Variants in FBXW11 observed in about 807,000 individuals in gnomAD.
FBXW11 encodes F-box and WD repeat domain containing 11, also known as F-box/WD repeat-containing protein 11.
FBXW11 carries 19 observed loss-of-function variants against 77.6 expected under a neutral mutation model. That is an observed-to-expected ratio of 0.24 (90% CI 0.17 to 0.36). FBXW11 has a LOEUF of 0.36. FBXW11 is among the 10% of genes least tolerant of loss of function. The pLI, the probability that FBXW11 is intolerant of heterozygous loss-of-function variation, is 1.00. For missense variants in FBXW11, 334 were observed against 704.2 expected (o/e 0.47, Z 5.95); for synonymous variants, 235 against 249.4 (o/e 0.94, Z 0.54).
chr5:171,956,559 T>C (rs1418809232), intron 2 of FBXW11, among the ~76,000 whole-genome samples: 5 of 152,182 alleles, frequency 3.3e-5, no homozygotes, highest in African/African-American at 7.2e-5. Context: ...AATGCCTGAC[T>C]CCAATATGAA....
intron 4 of FBXW11, among the ~76,000 whole-genome samples, chr5:171,901,168 C>T (rs751629157): frequency 6.6e-6 from 1 of 152,202 alleles, no homozygotes; most frequent in African/African-American, 2.4e-5. Context: ...CCAGTAACAA[C>T]TATCCTTTCT....
chr5:171,925,431 C>CA (rs753961974), intron 2 of FBXW11, among the ~76,000 whole-genome samples: 33 of 151,878 alleles, frequency 2.2e-4, no homozygotes, highest in East Asian at 7.7e-4. Context: ...AACAAACAAA[C>CA]AAAAAAAACA....
At chr5:171,948,258 G>T (rs1763123353) in intron 2 of FBXW11, among the ~76,000 whole-genome samples, 1 of 150,414 alleles carries the variant, frequency 6.6e-6, no homozygotes, top group South Asian at 2.1e-4. Context: ...AAAAAAACTG[G>T]GTTATACTTC....
At chr5:171,916,773 A>G (rs1002479285) in intron 2 of FBXW11, among the ~76,000 whole-genome samples, 3 of 152,136 alleles carry the variant, frequency 2.0e-5, no homozygotes, top group South Asian at 2.1e-4. Flanking sequence ...TGGAAACATG[A>G]AAGGTGGAGC....
At chr5:171,927,019 CA>C (rs937568149) in intron 2 of FBXW11, among the ~76,000 whole-genome samples, 7 of 149,672 alleles carry the variant, frequency 4.7e-5, no homozygotes, top group East Asian at 1.9e-4. Flanking sequence ...CAAAGAAATA[CA>C]AAAAAAAATC....
intron 2 of FBXW11, among the ~76,000 whole-genome samples, chr5:171,915,500 G>C (rs1264418290): frequency 1.3e-5 from 2 of 152,106 alleles, no homozygotes; most frequent in Non-Finnish European, 2.9e-5. Flanking sequence ...CTGAACACTA[G>C]CTGCTCTACA....
chr5:171,946,582 TTCCTACC>T (rs1006383338), intron 2 of FBXW11, among the ~76,000 whole-genome samples: 20 of 152,230 alleles, frequency 1.3e-4, no homozygotes, highest in African/African-American at 4.8e-4. Flanking sequence ...GCCACAAACA[TTCCTACC>T]TCTGGGGCTT....
chr5:171,962,530 G>GT (rs1763965659), intron 1 of FBXW11, among the ~76,000 whole-genome samples: 1 of 152,154 alleles, frequency 6.6e-6, no homozygotes, highest in Non-Finnish European at 1.5e-5. Context: ...AGCTGACAGT[G>GT]TTTATTACTT....
chr5:171,878,591 T>A (rs4868127), intron 7 of FBXW11, among the ~76,000 whole-genome samples: 1,652 of 95,186 alleles, frequency 0.017, 45 homozygotes, highest in East Asian at 0.059. Context: ...TGTGTGTGTG[T>A]AAGAGAGAGA....
At chr5:171,936,968 T>C (rs1429928442) in intron 2 of FBXW11, among the ~76,000 whole-genome samples, 1 of 152,254 alleles carries the variant, frequency 6.6e-6, no homozygotes, top group African/African-American at 2.4e-5. Context: ...GAACAATTTA[T>C]AGAGCTTCTG....
intron 2 of FBXW11, among the ~76,000 whole-genome samples, chr5:171,934,442 C>G (rs1269651338): frequency 1.3e-5 from 2 of 152,004 alleles, no homozygotes; most frequent in Non-Finnish European, 2.9e-5. Flanking sequence ...ACTTTGGGGG[C>G]CGAGGCATGC....
At chr5:171,881,561 T>C (rs544224692) in intron 7 of FBXW11, among the ~76,000 whole-genome samples, 48 of 152,352 alleles carry the variant, frequency 3.2e-4, no homozygotes, top group African/African-American at 1.1e-3. Context: ...AATGTCTTCA[T>C]CTAGTTTAGT....
intron 1 of FBXW11, among the ~76,000 whole-genome samples, chr5:171,991,176 T>C (rs960326325): frequency 4.6e-5 from 7 of 152,084 alleles, no homozygotes; most frequent in African/African-American, 1.7e-4. Context: ...ATTCAAAAAA[T>C]TTGTCGAGTA....
At chr5:171,955,178 C>T (rs1763544992) in intron 2 of FBXW11, among the ~76,000 whole-genome samples, 1 of 152,188 alleles carries the variant, frequency 6.6e-6, no homozygotes, top group African/African-American at 2.4e-5. Flanking sequence ...TAAATTATGC[C>T]TAAGGGCAAC....
chr5:171,995,828 C>T (rs772420781), intron 1 of FBXW11, among the ~76,000 whole-genome samples: 2 of 151,998 alleles, frequency 1.3e-5, no homozygotes. Context: ...TGAGTGGAAA[C>T]GTGTTGTAGA....
intron 7 of FBXW11, among the ~76,000 whole-genome samples, chr5:171,890,692 T>G (rs1056194965): frequency 6.6e-6 from 1 of 152,146 alleles, no homozygotes; most frequent in Non-Finnish European, 1.5e-5. Context: ...GTAGCTTTAT[T>G]CATAATTGTC....
At chr5:171,970,273 T>C (rs1177789910) in intron 1 of FBXW11, among the ~76,000 whole-genome samples, 1 of 152,170 alleles carries the variant, frequency 6.6e-6, no homozygotes, top group Non-Finnish European at 1.5e-5. Context: ...GTTCTTGGTA[T>C]AGTGAGTGAG....
chr5:171,993,743 G>A (rs764727427), intron 1 of FBXW11, among the ~76,000 whole-genome samples: 1 of 152,156 alleles, frequency 6.6e-6, no homozygotes, highest in African/African-American at 2.4e-5. Flanking sequence ...CCTGGGATAA[G>A]GGGATGTCTA....
chr5:171,943,764 T>A (rs773320543), intron 2 of FBXW11, among the ~76,000 whole-genome samples: 2 of 152,166 alleles, frequency 1.3e-5, no homozygotes, highest in Non-Finnish European at 2.9e-5. Flanking sequence ...CTTGTTTTAG[T>A]AGGCCATGCC....
Sources: allele counts gnomAD v4.1 joint callset (sites outside exome capture counted in the v4.1 genomes callset), GRCh38; gene constraint gnomAD v4.1.1; transcripts MANE v1.5; gene names NCBI Gene and HGNC (gene_info 2026-07-23, HGNC 2026-07-21).